The following CD244 variants were observed in gnomAD, a reference collection of about 807,000 sequenced individuals.
The protein encoded by CD244 is CD244 molecule, also known as natural killer cell receptor 2B4.
Under a neutral mutation model 45.5 loss-of-function variants are expected in CD244, and 20 were observed. The observed-to-expected ratio is 0.44, with a 90% CI of 0.31 to 0.64. The LOEUF (loss-of-function observed/expected upper bound fraction) is 0.64, where lower values mean the gene tolerates loss of function less well. Among genes scored for constraint, CD244 ranks in the 30% least tolerant of loss-of-function variants. The pLI, the probability that CD244 is intolerant of heterozygous loss-of-function variation, is 0.08. For missense variants in CD244, 407 were observed against 426.9 expected (o/e 0.95, Z 0.41); for synonymous variants, 185 against 160.5 (o/e 1.15, Z -1.15).
At chr1:160,853,678 C>T (rs1265673159) in intron 1 of CD244, among the ~76,000 whole-genome samples, 1 of 150,692 alleles carries the variant, frequency 6.6e-6, no homozygotes, top group Non-Finnish European at 1.5e-5. Context: ...CTCAGCTAAA[C>T]CCAACTCTTA....
intron 1 of CD244, among the ~76,000 whole-genome samples, chr1:160,845,513 C>T (rs1669698003): frequency 6.6e-6 from 1 of 152,138 alleles, no homozygotes; most frequent in Admixed American, 6.5e-5. Context: ...CTGACAAAAG[C>T]CATCAAGATA....
chr1:160,838,877 G>T, intron 4 of CD244, 62 bp downstream of exon 4: 1 of 1,122,336 alleles, frequency 8.9e-7, no homozygotes, highest in Non-Finnish European at 1.3e-6. Flanking sequence ...ACTGGACGCA[G>T]GACAAAGTCA....
intron 4 of CD244, 71 bp from the exon 5 acceptor site, chr1:160,838,589 C>T: frequency 9.6e-7 from 1 of 1,038,442 alleles, no homozygotes; most frequent in East Asian, 2.4e-5. Context: ...TAACAGGTCC[C>T]ACCTCTACCC....
intron 1 of CD244, 84 bp downstream of exon 1, chr1:160,862,533 C>G (rs750732225): frequency 8.1e-7 from 1 of 1,238,252 alleles, no homozygotes; most frequent in South Asian, 1.3e-5. Flanking sequence ...GTATGTGGCA[C>G]AAGCAGAGGC....
intron 1 of CD244, 29 bp from the exon 2 acceptor site, chr1:160,841,930 G>A (rs769715540): frequency 2.5e-6 from 4 of 1,601,594 alleles, no homozygotes; most frequent in South Asian, 2.2e-5. Context: ...GCTGAAAGTA[G>A]CGGGAAGAGT....
chr1:160,843,062 G>A (rs554777120), intron 1 of CD244, among the ~76,000 whole-genome samples: 6 of 152,324 alleles, frequency 3.9e-5, no homozygotes, highest in African/African-American at 1.4e-4. Flanking sequence ...TTGAGACAGA[G>A]GGGTTTTTAT....
At chr1:160,838,296 G>T (rs1669401530) in intron 5 of CD244, among the ~76,000 whole-genome samples, 155 bp downstream of exon 5, 1 of 152,130 alleles carries the variant, frequency 6.6e-6, no homozygotes, top group African/African-American at 2.4e-5. Context: ...CCAGAACTAG[G>T]AAGCAGGTGG....
Position 160,845,887 on chromosome 1 carries a change from T to C in CD244, c.62-3986A>G, listed in dbSNP as rs1000891836. Among the ~76,000 whole-genome samples the C allele has an allele frequency of 1.0e-3, 152 of 147,014 alleles. 2 individuals are homozygous for C. The highest frequency in any genetic ancestry group is 9.0e-5 in the Non-Finnish European group (6 of 66,598). ...AAAAAAAAGAAAAAAAACAAACCAA[T>C]GAACAAAAGACAACCTCTCAATACA... is the stretch of plus-strand genomic sequence containing the variant. On this transcript the variant is annotated intron_variant, in intron 1 of 8. Transcript: ENST00000368034.
chr1:160,833,928 T>C (rs12061248), intron 7 of CD244, 123 bp downstream of exon 7: 9,743 of 670,512 alleles, frequency 0.015, 287 homozygotes, highest in East Asian at 0.058. Flanking sequence ...TAACAGAAGC[T>C]ACTCAGATAC....
rs114707233 is a variant in CD244 at position 160,840,918 on chromosome 1, T to G, written c.655+292A>C. Among the ~76,000 whole-genome samples the G allele has an allele frequency of 2.0e-3, 308 of 152,320 alleles. 2 individuals are homozygous for G. The highest frequency in any genetic ancestry group is 7.2e-3 in the African/African-American group (298 of 41,562). ...AGCCTCTCCCAGGAAGAAAATAATG[T>G]TCAGGAGCCATTTCAGGACTGTCAC... On this transcript the variant is annotated intron_variant, in intron 3 of 8. Transcript: ENST00000368034.
chr1:160,858,471 G>T (rs1670186312), intron 1 of CD244, among the ~76,000 whole-genome samples: 1 of 152,174 alleles, frequency 6.6e-6, no homozygotes, highest in Non-Finnish European at 1.5e-5. Flanking sequence ...TCCAGCCTGT[G>T]TGTCCTTTGG....
At position 160,832,551 on chromosome 1, in the gene CD244, T is replaced by C. The variant is rs1447345587; in HGVS notation, c.985A>G (p.Ser329Gly). 6.2e-7 allele frequency: 1 copy of C among 1,611,816 alleles called. No individual in the cohort carries two copies. ...RKSGSRKRNH[S>G]PSFNSTIYEV... ...TAGATAGTGCTATTGAAGGAAGGGC[T>C]GTGGTTCCTCTTCCTGGATCCAGAC... Residue 329 changes from serine to glycine, a missense_variant, in exon 8 of 9, where the codon AGC (serine) becomes GGC (glycine). Coordinates refer to ENST00000368034, the MANE Select transcript of CD244 (RefSeq NM_016382.4).
intron 3 of CD244, among the ~76,000 whole-genome samples, chr1:160,840,308 T>TCCTA (rs962687764): frequency 6.6e-6 from 1 of 151,926 alleles, no homozygotes; most frequent in African/African-American, 2.4e-5. Context: ...GAAGCCAGTG[T>TCCTA]CCTAGTTCAG....
intron 1 of CD244, among the ~76,000 whole-genome samples, chr1:160,847,317 G>T (rs967699632): frequency 1.6e-4 from 25 of 151,876 alleles, no homozygotes; most frequent in African/African-American, 6.0e-4. Context: ...AATCAATAAG[G>T]CTATAAGAAT....
intron 6 of CD244, 62 bp from the exon 7 acceptor site, chr1:160,834,178 T>G: frequency 2.4e-6 from 3 of 1,249,418 alleles, no homozygotes; most frequent in East Asian, 4.6e-5. Context: ...TTACAAAGGT[T>G]ATCTCTTCCG....
At chr1:160,844,664 G>C (rs1669668386) in intron 1 of CD244, among the ~76,000 whole-genome samples, 1 of 152,200 alleles carries the variant, frequency 6.6e-6, no homozygotes, top group African/African-American at 2.4e-5. Flanking sequence ...AGCCAACACA[G>C]CTAAGGCCAT....
chr1:160,843,137 G>A (rs1253609253), intron 1 of CD244, among the ~76,000 whole-genome samples: 1 of 152,186 alleles, frequency 6.6e-6, no homozygotes, highest in African/African-American at 2.4e-5. Flanking sequence ...TTTCTCAAGA[G>A]ACTAAGTAAA....
chr1:160,846,108 A>G (rs1469101723), intron 1 of CD244, among the ~76,000 whole-genome samples: 8 of 151,982 alleles, frequency 5.3e-5, no homozygotes, highest in Non-Finnish European at 4.4e-5. Flanking sequence ...TTTGGTTACA[A>G]GAGAAAGTTC....
chr1:160,831,098 C>A lies in CD244; in HGVS notation c.*249G>T, dbSNP rs1363490852. 1 of 384,782 alleles carries A rather than the reference C, an allele frequency of 2.6e-6. No homozygotes were observed. Among genetic ancestry groups the A allele is most frequent in the African/African-American group, 2.0e-5 (1 of 49,626 alleles). The allele number at this position is 384,782 out of a possible 1,614,324, so 23.8% of individuals were successfully genotyped here. A position where few individuals can be genotyped will look rare whatever the true frequency, so the allele number is the denominator to read the frequency against. ...TAGATTACAAATACTTGGAATGTGG[C>A]CTTTTGTGAACAACCTAACCCCTCC... On this transcript the variant is annotated 3_prime_UTR_variant, in exon 9 of 9. Coordinates refer to ENST00000368034, the MANE Select transcript of CD244 (RefSeq NM_016382.4).
Sources: allele counts gnomAD v4.1 joint callset (sites outside exome capture counted in the v4.1 genomes callset), GRCh38; gene constraint gnomAD v4.1.1; transcripts MANE v1.5; gene names NCBI Gene and HGNC (gene_info 2026-07-23, HGNC 2026-07-21).